DACH2: variants seen among roughly 807,000 people sequenced by gnomAD.
DACH2 encodes the protein dachshund homolog 2.
In DACH2, 17 loss-of-function variants were observed where a neutral mutation model predicts 35.8. The observed-to-expected ratio is 0.48, with a 90% CI of 0.33 to 0.71. The LOEUF (loss-of-function observed/expected upper bound fraction) is 0.71. DACH2 is among the 30% of genes least tolerant of loss of function. The pLI is 0.02. For synonymous variants in DACH2, 195 were observed against 177.3 expected, an observed-to-expected ratio of 1.10 and a Z score of -0.79; for missense variants, 469 against 472.7, an observed-to-expected ratio of 0.99 and a Z score of 0.07.
chrX:86,411,032 ATATATATG>A (rs1229150996), intron 2 of DACH2, among the ~76,000 whole-genome samples: 5 of 83,185 alleles, frequency 6.0e-5, no homozygotes, highest in African/African-American at 2.2e-4. Context: ...ATATATATAT[ATATATATG>A]TATATATGTA....
chrX:86,370,639 A>G (rs1206871090), intron 1 of DACH2, among the ~76,000 whole-genome samples: 1 of 111,710 alleles, frequency 9.0e-6, no homozygotes, highest in Non-Finnish European at 1.9e-5. Flanking sequence ...AAAATTTCCA[A>G]CAGAAACATT....
At chrX:86,653,850 A>G (rs1197965331) in intron 4 of DACH2, among the ~76,000 whole-genome samples, 2 of 109,235 alleles carry the variant, frequency 1.8e-5, no homozygotes, top group African/African-American at 6.7e-5. Context: ...TACTTTTAGT[A>G]GAGAAGGGGT....
At chrX:86,709,225 C>T (rs1022048407) in intron 5 of DACH2, among the ~76,000 whole-genome samples, 1 of 111,240 alleles carries the variant, frequency 9.0e-6, no homozygotes, top group Non-Finnish European at 1.9e-5. Context: ...ATTAATAGAA[C>T]AGAATAGAGA....
At chrX:86,638,987 A>G (rs1754434603) in intron 3 of DACH2, among the ~76,000 whole-genome samples, 1 of 112,351 alleles carries the variant, frequency 8.9e-6, no homozygotes, top group East Asian at 2.8e-4. Context: ...TAGTCACGAT[A>G]GCAAAGATAT....
At chrX:86,546,404 C>CTTCTTCTTCTTCTTCTTCCTT (rs774988785) in intron 3 of DACH2, among the ~76,000 whole-genome samples, 29 of 21,661 alleles carry the variant, frequency 1.3e-3, no homozygotes, top group African/African-American at 3.1e-3. Context: ...TCTTCTTCTT[C>CTTCTTCTTCTTCTTCTTCCTT]CTTCTTCTTC....
rs2042623042 is a variant in DACH2, at chrX:86,832,488, C to A, written c.*333C>A. On this transcript the variant is annotated 3_prime_UTR_variant, in exon 12 of 12. Coordinates refer to ENST00000373125, the MANE Select transcript of DACH2 (RefSeq NM_053281.3). ...AAAAAATGCAGTAGTGTGTTAGAGA[C>A]TAGAAAGTTATATGTATGGTTTCCC... The A allele has an allele frequency of 1.6e-5, 3 of 183,629 alleles. No homozygotes were observed. The South Asian group carries it at 5.2e-4, about 32-fold the overall frequency. The allele number at this position is 183,629 out of a possible 1,213,427, so 15.1% of individuals were successfully genotyped here. A position where few individuals can be genotyped will look rare whatever the true frequency, so the allele number is the denominator to read the frequency against.
intron 3 of DACH2, among the ~76,000 whole-genome samples, chrX:86,525,061 T>G (rs1157424572): frequency 4.5e-5 from 5 of 111,623 alleles, no homozygotes; most frequent in Non-Finnish European, 7.5e-5. Flanking sequence ...GAAAATGAGT[T>G]TTTAAGAAGC....
intron 2 of DACH2, among the ~76,000 whole-genome samples, chrX:86,506,300 T>C (rs1158971607): frequency 3.6e-5 from 4 of 112,216 alleles, no homozygotes; most frequent in African/African-American, 9.7e-5. Context: ...AGGGCTGAGT[T>C]TGGCTTACTA....
chrX:86,615,236 T>A (rs2039989270), intron 3 of DACH2, among the ~76,000 whole-genome samples: 1 of 111,891 alleles, frequency 8.9e-6, no homozygotes, highest in Non-Finnish European at 1.9e-5. Context: ...TTTCAAGCAT[T>A]TCTGGGATGA....
chrX:86,648,762 C>A (rs2040443814), intron 3 of DACH2, among the ~76,000 whole-genome samples: 1 of 110,200 alleles, frequency 9.1e-6, no homozygotes, highest in African/African-American at 3.3e-5. Flanking sequence ...CTCAATTGTA[C>A]CTCTGTAAAG....
At chrX:86,444,264 A>G (rs1043531845) in intron 2 of DACH2, among the ~76,000 whole-genome samples, 3 of 110,251 alleles carry the variant, frequency 2.7e-5, no homozygotes, top group African/African-American at 9.9e-5. Flanking sequence ...TATTATTATT[A>G]TTTTTTGTAG....
At chrX:86,293,875 C>T (rs2034372458) in intron 1 of DACH2, among the ~76,000 whole-genome samples, 1 of 110,944 alleles carries the variant, frequency 9.0e-6, no homozygotes, top group Non-Finnish European at 1.9e-5. Flanking sequence ...TTCATTTCAA[C>T]TTTGGTGAAT....
At chrX:86,380,519 G>C (rs1432596914) in intron 2 of DACH2, among the ~76,000 whole-genome samples, 1 of 110,461 alleles carries the variant, frequency 9.1e-6, no homozygotes, top group Non-Finnish European at 1.9e-5. Context: ...TTATAAAATA[G>C]TTCAGATAAA....
At chrX:86,441,288 T>C (rs891133859) in intron 2 of DACH2, among the ~76,000 whole-genome samples, 2 of 111,047 alleles carry the variant, frequency 1.8e-5, no homozygotes, top group African/African-American at 3.3e-5. Context: ...CTTCCCAGCT[T>C]CTGGTAACCA....
intron 1 of DACH2, among the ~76,000 whole-genome samples, chrX:86,230,782 A>G (rs1206655171): frequency 9.0e-6 from 1 of 111,704 alleles, no homozygotes; most frequent in Non-Finnish European, 1.9e-5. Flanking sequence ...AAAGGTGTTC[A>G]TAGTAGCCTT....
chrX:86,411,350 T>C (rs921899091), intron 2 of DACH2, among the ~76,000 whole-genome samples: 3 of 109,834 alleles, frequency 2.7e-5, no homozygotes, highest in Non-Finnish European at 5.7e-5. Flanking sequence ...TGTTAATCTT[T>C]TTAACATTTT....
chrX:86,191,926 G>A (rs1006283875), intron 1 of DACH2, among the ~76,000 whole-genome samples: 2 of 111,685 alleles, frequency 1.8e-5, no homozygotes, highest in African/African-American at 6.5e-5. Flanking sequence ...GGGTGACAGA[G>A]CGAGACTCCA....
intron 7 of DACH2, among the ~76,000 whole-genome samples, chrX:86,781,405 G>A (rs2042088360): frequency 9.0e-6 from 1 of 111,647 alleles, no homozygotes; most frequent in Admixed American, 9.5e-5. Flanking sequence ...TATGTATAGA[G>A]TCACTAAATT....
chrX:86,200,635 CA>C (rs56012558), intron 1 of DACH2, among the ~76,000 whole-genome samples: 4,197 of 47,547 alleles, frequency 0.088, 278 homozygotes, highest in African/African-American at 0.28. Context: ...TGAACTTTTC[CA>C]AAAAAAAAAA....
Sources: gnomAD v4.1 joint callset for allele counts (sites outside exome capture counted in the v4.1 genomes callset) on GRCh38, gnomAD v4.1.1 for gene constraint, MANE v1.5 for transcripts, NCBI Gene and HGNC (gene_info 2026-07-23, HGNC 2026-07-21) for gene names.